The following CRTC1 variants were observed in gnomAD, a reference collection of about 807,000 sequenced individuals.
CRTC1 encodes the protein CREB-regulated transcription coactivator 1.
In CRTC1, 18 loss-of-function variants were observed where a neutral mutation model predicts 66.1. That is an observed-to-expected ratio of 0.27 (90% CI 0.19 to 0.40). CRTC1 has a LOEUF of 0.40. Among genes scored for constraint, CRTC1 ranks in the 10% least tolerant of loss-of-function variants. The probability of loss-of-function intolerance (pLI) is 1.00; values close to 1 mark genes in which losing one functional copy is unlikely to be tolerated. For missense variants in CRTC1, 669 were observed against 887.9 expected, an observed-to-expected ratio of 0.75 and a Z score of 3.13; for synonymous variants, 416 against 398.8, an observed-to-expected ratio of 1.04 and a Z score of -0.51.
rs552393058 is a variant in CRTC1 at position 18,778,107 on chromosome 19, G to A, written c.*725G>A. 9.4e-5 allele frequency: 22 copies of A among 233,126 alleles called. 1 individual carries two copies. The South Asian group carries it at 2.9e-3, about 31-fold the overall frequency. 14.4% of individuals were successfully genotyped at this position (233,126 alleles called of 1,614,324 possible). A position where few individuals can be genotyped will look rare whatever the true frequency, so the allele number is the denominator to read the frequency against. On this transcript the variant is annotated 3_prime_UTR_variant, in exon 14 of 14. Transcript: ENST00000321949. ...TGCCTCACCGCAGGCAGGCCCATCG[G>A]TGGCCACCTTTGCCGGGAAGTGACC...
At chr19:18,689,827 A>G (rs966837488) in intron 1 of CRTC1, among the ~76,000 whole-genome samples, 4 of 151,182 alleles carry the variant, frequency 2.6e-5, no homozygotes, top group Non-Finnish European at 5.9e-5. Flanking sequence ...GTGGATGTAT[A>G]TCTTCATTTC....
rs972333000 is a variant in CRTC1, at chr19:18,771,257, C to T, written c.1321-185C>T. Reference sequence around the variant, plus strand: ...GTTCGGGGGCAGCTCCCCGGAGGCTCAGGTACCCACCTTTCCTGCAGGTGT... The same window carrying T: ...GTTCGGGGGCAGCTCCCCGGAGGCTTAGGTACCCACCTTTCCTGCAGGTGT... On this transcript the variant is annotated intron_variant, in intron 10 of 13. Transcript: ENST00000321949. This position sits in a 1 kb window ranked among gnomAD's most constrained non-coding sequence, Gnocchi z 4.6. Among the ~76,000 whole-genome samples the T allele has an allele frequency of 5.3e-5, 8 of 151,022 alleles. No homozygotes were observed. Among genetic ancestry groups the T allele is most frequent in the Non-Finnish European group, 7.4e-5 (5 of 67,764 alleles).
intron 2 of CRTC1, 82 bp downstream of exon 2, chr19:18,743,108 C>A: frequency 9.2e-7 from 1 of 1,091,076 alleles, no homozygotes; most frequent in Non-Finnish European, 1.4e-6. Flanking sequence ...TTGAGGACAG[C>A]TGGGGTTATC....
chr19:18,762,640 C>G (rs1451905438), intron 8 of CRTC1, among the ~76,000 whole-genome samples: 1 of 152,194 alleles, frequency 6.6e-6, no homozygotes, highest in African/African-American at 2.4e-5. Flanking sequence ...TGAGGCCGGG[C>G]GGGCCCTGAC....
At chr19:18,722,405 G>C (rs558309526) in intron 1 of CRTC1, among the ~76,000 whole-genome samples, 102 of 152,270 alleles carry the variant, frequency 6.7e-4, no homozygotes, top group Non-Finnish European at 1.2e-3. Context: ...GTGGAAAAAA[G>C]GTCTTTGGGG....
At chr19:18,747,504 C>T (rs1165598466) in intron 4 of CRTC1, among the ~76,000 whole-genome samples, 7 of 152,176 alleles carry the variant, frequency 4.6e-5, no homozygotes, top group South Asian at 2.1e-4. Context: ...AGCATGGTGG[C>T]GCATGCCTGT....
At chr19:18,775,859 G>C in intron 13 of CRTC1, 38 bp downstream of exon 13, 1 of 1,529,682 alleles carries the variant, frequency 6.5e-7, no homozygotes, top group South Asian at 1.3e-5. Flanking sequence ...GGCGCCCCAA[G>C]GGGCCTCAGC....
intron 3 of CRTC1, among the ~76,000 whole-genome samples, chr19:18,746,247 T>TA (rs2054233619): frequency 6.6e-6 from 1 of 152,028 alleles, no homozygotes; most frequent in Non-Finnish European, 1.5e-5. Flanking sequence ...ACAGAGGGCT[T>TA]AGACACCTGG....
At chr19:18,698,420 A>T (rs1368945396) in intron 1 of CRTC1, among the ~76,000 whole-genome samples, 1 of 120,516 alleles carries the variant, frequency 8.3e-6, no homozygotes, top group Non-Finnish European at 1.7e-5. Context: ...AGGCACACAC[A>T]ACAGTGTGTA....
intron 1 of CRTC1, among the ~76,000 whole-genome samples, chr19:18,734,681 TAAAA>T (rs1213780124): frequency 3.9e-5 from 6 of 151,924 alleles, no homozygotes; most frequent in Non-Finnish European, 8.8e-5. Context: ...CTGTCGCAAA[TAAAA>T]GAAAGAAAGA....
chr19:18,743,053 C>T, intron 2 of CRTC1, 27 bp downstream of exon 2: 2 of 1,557,000 alleles, frequency 1.3e-6, no homozygotes, highest in East Asian at 2.2e-5. Flanking sequence ...CTGGCCCTGC[C>T]CCATTGTGGG....
intron 7 of CRTC1, 27 bp from the exon 8 acceptor site, chr19:18,759,978 ACCT>A (rs1568530939): frequency 3.4e-6 from 4 of 1,167,618 alleles, no homozygotes; most frequent in Non-Finnish European, 3.5e-6. Context: ...CCATGAGCTC[ACCT>A]CCTGCCTGCC....
At chr19:18,756,975 G>A (rs895494773) in intron 6 of CRTC1, among the ~76,000 whole-genome samples, 6 of 152,204 alleles carry the variant, frequency 3.9e-5, no homozygotes, top group Non-Finnish European at 8.8e-5. Context: ...TTCAGCCGGC[G>A]TTCTCCACAG....
intron 13 of CRTC1, among the ~76,000 whole-genome samples, chr19:18,776,474 C>A (rs1026462344): frequency 1.3e-5 from 2 of 152,232 alleles, no homozygotes; most frequent in Admixed American, 6.5e-5. Context: ...TGGCCTCTTC[C>A]AGGCTGGAAG....
At chr19:18,764,966 C>G (rs2054696679) in intron 8 of CRTC1, among the ~76,000 whole-genome samples, 1 of 152,246 alleles carries the variant, frequency 6.6e-6, no homozygotes, top group African/African-American at 2.4e-5. Context: ...AAGTGGGAAG[C>G]AGGCTCAGAT....
rs1395693215 is a variant in CRTC1, at chr19:18,781,086, G to A, written c.*3704G>A. ...CCATCACCTTCACTGGGTCCCGATG[G>A]AGCCGTCTCAGAGGCCGAGGGGCCC... On this transcript the variant is annotated 3_prime_UTR_variant, in exon 14 of 14. Transcript: ENST00000321949. 2 of 228,054 alleles carry A rather than the reference G, an allele frequency of 8.8e-6. No homozygotes were observed. Among genetic ancestry groups the A allele is most frequent in the East Asian group, 1.2e-4 (2 of 16,010 alleles). The allele number at this position is 228,054 out of a possible 1,614,324, so 14.1% of individuals were successfully genotyped here.
intron 1 of CRTC1, among the ~76,000 whole-genome samples, chr19:18,726,604 G>A (rs1320546869): frequency 1.3e-5 from 2 of 152,162 alleles, no homozygotes; most frequent in African/African-American, 4.8e-5. Flanking sequence ...GAATAGGGTG[G>A]GCCCTAAATC....
chr19:18,757,175 C>T lies in CRTC1; in HGVS notation c.625-2376C>T, dbSNP rs75454990. The stretch of plus-strand genomic sequence containing the variant: ...TGCCCCAGGGCCCCAGGGGCGGAAA[C>T]GTGTCACACTGGGAGGCCTCATCCA... On this transcript the variant is annotated intron_variant, in intron 6 of 13. Transcript: ENST00000321949. 9.9e-5 allele frequency among the ~76,000 whole-genome samples: 15 copies of T among 152,238 alleles called. No homozygotes were observed. In the East Asian group the frequency reaches 1.4e-3, roughly 14 times the overall value.
At chr19:18,749,897 GTC>G (rs753988584) in intron 5 of CRTC1, 22 bp downstream of exon 5, 2 of 1,600,188 alleles carry the variant, frequency 1.2e-6, no homozygotes, top group Middle Eastern at 1.7e-4. Flanking sequence ...GGACTCGGGT[GTC>G]TCTGCTGGGG....
Sources: gnomAD v4.1 joint callset for allele counts (sites outside exome capture counted in the v4.1 genomes callset) on GRCh38, gnomAD v4.1.1 for gene constraint, Gnocchi (gnomAD v3.1) non-coding constraint, MANE v1.5 for transcripts, NCBI Gene and HGNC (gene_info 2026-07-23, HGNC 2026-07-21) for gene names.